The following DSC1 variants were observed in gnomAD, a reference collection of about 807,000 sequenced individuals.
DSC1 encodes the protein desmocollin-1.
A neutral mutation model predicts 98.8 loss-of-function variants in DSC1; 79 were observed. The observed-to-expected ratio is 0.80, with a 90% CI of 0.67 to 0.96. The LOEUF (loss-of-function observed/expected upper bound fraction) is 0.96. DSC1 is among the 50% of genes least tolerant of loss of function. The probability of loss-of-function intolerance (pLI) is 0.00; values close to 1 mark genes in which losing one functional copy is unlikely to be tolerated. For missense variants in DSC1, 1,115 were observed against 1,075.9 expected (o/e 1.04, Z -0.51); for synonymous variants, 405 against 372.1 (o/e 1.09, Z -1.02).
At chr18:31,136,065 T>C (rs2144919497) in intron 11 of DSC1, among the ~76,000 whole-genome samples, 1 of 152,126 alleles carries the variant, frequency 6.6e-6, no homozygotes, top group Admixed American at 6.5e-5. Context: ...GTAACTACTA[T>C]TTATGCCTAT....
At position 31,130,656 on chromosome 18, in the gene DSC1, C is replaced by A. The variant is rs985861; in HGVS notation, c.2543G>T (p.Cys848Phe). The change falls in exon 16 of 16, where the codon TGT (cysteine) becomes TTT (phenylalanine). Residue 848 changes from cysteine to phenylalanine, a missense_variant. Physicochemically the swap from Cys to Phe is radical, Grantham distance 205 (BLOSUM62 -2). Transcript: ENST00000257198. ...EEHKHCEDYV[C>F]SYNYEGKGSL... ...ACCTTTGCCTTCATAGTTATACGAA[C>A]AAACGTAGTCTTCACAATGTTTATG... is the stretch of plus-strand genomic sequence containing the variant. 77,767 of 1,613,874 alleles carry A rather than the reference C, an allele frequency of 0.048. 2,996 individuals carry two copies. Among genetic ancestry groups the A allele is most frequent in the African/African-American group, 0.2 (15,220 of 74,908 alleles).
chr18:31,151,973 C>T lies in DSC1; in HGVS notation c.627+2801G>A, dbSNP rs76618169. Among the ~76,000 whole-genome samples, 10 of 152,072 alleles carry T rather than the reference C, an allele frequency of 6.6e-5. No homozygotes were observed. In the Middle Eastern group the frequency reaches 0.014, roughly 207 times the overall value. ...GGCCAAGAGTTTGAGACCAGCCTGG[C>T]GAACATGGTGGAACCCTGTCTCTAC... On this transcript the variant is annotated intron_variant, in intron 5 of 15. Coordinates refer to ENST00000257198, the MANE Select transcript of DSC1 (RefSeq NM_024421.2).
intron 7 of DSC1, among the ~76,000 whole-genome samples, chr18:31,145,003 G>C (rs1988815892): frequency 6.9e-6 from 1 of 144,186 alleles, no homozygotes; most frequent in Non-Finnish European, 1.5e-5. Context: ...GCAGTGGCGC[G>C]ATCTCGGCTC....
intron 5 of DSC1, among the ~76,000 whole-genome samples, chr18:31,153,058 T>C (rs1422308352): frequency 6.6e-6 from 1 of 151,820 alleles, no homozygotes; most frequent in Non-Finnish European, 1.5e-5. Flanking sequence ...AATTTCAACC[T>C]ATTTTATTCA....
Position 31,129,874 on chromosome 18 carries a change from G to A in DSC1, c.*640C>T, listed in dbSNP as rs1439605406. On this transcript the variant is annotated 3_prime_UTR_variant, in exon 16 of 16. Transcript: ENST00000257198. ...TATCTTTCCAAGAACCCTAGAAGTT[G>A]GAGTGACCTAACAACAAATCCACAT... 1 of 152,148 alleles carries A rather than the reference G, an allele frequency of 6.6e-6. No homozygotes were observed. Among genetic ancestry groups the A allele is most frequent in the Non-Finnish European group, 1.5e-5 (1 of 68,088 alleles). 9.4% of individuals were successfully genotyped at this position (152,148 alleles called of 1,614,324 possible). A position where few individuals can be genotyped will look rare whatever the true frequency, so the allele number is the denominator to read the frequency against.
intron 14 of DSC1, chr18:31,132,367 A>T: frequency 1.8e-6 from 1 of 564,740 alleles, no homozygotes; most frequent in Non-Finnish European, 3.0e-6. Context: ...CTGTTGTTTA[A>T]GTCACTCAGT....
At chr18:31,149,977 C>A (rs1988926899) in intron 5 of DSC1, among the ~76,000 whole-genome samples, 1 of 151,224 alleles carries the variant, frequency 6.6e-6, no homozygotes, top group Non-Finnish European at 1.5e-5. Flanking sequence ...GAGTGGAATA[C>A]AGTAGTCTAT....
chr18:31,151,784 C>A (rs1475169038), intron 5 of DSC1, among the ~76,000 whole-genome samples: 1 of 152,098 alleles, frequency 6.6e-6, no homozygotes, highest in Non-Finnish European at 1.5e-5. Flanking sequence ...AGCAGTAACA[C>A]CAAAGCTGAG....
Position 31,131,645 on chromosome 18 carries a change from G to T in DSC1, c.2436C>A (p.Gly812=). Residue 812 remains glycine (G), a synonymous_variant, in exon 15 of 16, where the codon GGC becomes GGA. Transcript: ENST00000257198. The stretch of plus-strand genomic sequence containing the variant: ...TCTGCCAGTCCGTGTACGCATATCT[G>T]CCAGTATCTCCCTGCCCCACTCCCT... ...SVKGVGQGDT[G]RYAYTDWQSF... is the part of the protein sequence containing the mutation. 1.2e-6 allele frequency: 2 copies of T among 1,614,042 alleles called. No homozygotes were observed. Among genetic ancestry groups the T allele is most frequent in the Non-Finnish European group, 1.7e-6 (2 of 1,179,982 alleles).
intron 11 of DSC1, among the ~76,000 whole-genome samples, chr18:31,137,202 A>G (rs778192542): frequency 1.2e-4 from 19 of 152,150 alleles, no homozygotes; most frequent in Non-Finnish European, 2.5e-4. Flanking sequence ...TTAAGCTACA[A>G]TATGCCTCCT....
At chr18:31,136,736 AT>A (rs1426535958) in intron 11 of DSC1, among the ~76,000 whole-genome samples, 2 of 152,202 alleles carry the variant, frequency 1.3e-5, no homozygotes, top group African/African-American at 4.8e-5. Flanking sequence ...AAGTTTATGA[AT>A]TTTTGTTGGG....
At position 31,130,264 on chromosome 18, in the gene DSC1, A is replaced by G; in HGVS notation, c.*250T>C. ...TAAAAGGTGCAAGAAGGTGTACAGT[A>G]CAGTCGTGAAAAGGGCAATATATAC... On this transcript the variant is annotated 3_prime_UTR_variant, in exon 16 of 16. Transcript: ENST00000257198. The G allele has an allele frequency of 2.0e-6, 1 of 497,496 alleles. No homozygotes were observed. Among genetic ancestry groups the G allele is most frequent in the South Asian group, 2.6e-5 (1 of 37,978 alleles). 30.8% of individuals were successfully genotyped at this position (497,496 alleles called of 1,614,324 possible).
At chr18:31,162,440 A>T in intron 1 of DSC1, 92 bp downstream of exon 1, 1 of 1,204,694 alleles carries the variant, frequency 8.3e-7, no homozygotes, top group Non-Finnish European at 1.2e-6. Flanking sequence ...TCTGCCTCCC[A>T]TCCTCACTCC....
At chr18:31,132,932 T>C (rs2144913763) in intron 13 of DSC1, among the ~76,000 whole-genome samples, 1 of 152,252 alleles carries the variant, frequency 6.6e-6, no homozygotes, top group Non-Finnish European at 1.5e-5. Flanking sequence ...TTCTTCTACA[T>C]TGAAATGGTA....
Position 31,162,738 on chromosome 18 carries a change from G to A in DSC1, c.-144C>T, listed in dbSNP as rs1598635252. The A allele has an allele frequency of 3.9e-5, 26 of 662,728 alleles. 2 individuals are homozygous for A. Among genetic ancestry groups the A allele is most frequent in the South Asian group, 2.9e-4 (16 of 55,144 alleles). The allele number at this position is 662,728 out of a possible 1,614,324, so 41.1% of individuals were successfully genotyped here. ...CTGAGCTTGGTTTGGAAGACAGTCC[G>A]GAGGCAAGTGATAAACAGTAGGAGG... On this transcript the variant is annotated 5_prime_UTR_variant, in exon 1 of 16. Coordinates refer to ENST00000257198, the MANE Select transcript of DSC1 (RefSeq NM_024421.2).
In DSC1 at chr18:31,130,608, C is replaced by T. The variant is rs201224167; in HGVS notation, c.2591G>A (p.Cys864Tyr). The change falls in exon 16 of 16, where the codon TGC (cysteine) becomes TAC (tyrosine). Residue 864 changes from cysteine to tyrosine, a missense_variant. Transcript: ENST00000257198. ...CTCTTCTTCCTGCCGATCGCTGCAG[C>T]AACCTACTGAGCCGGCCAGAGAACC... ...GKGSLAGSVG[C>Y]CSDRQEEEGL... 5.6e-6 allele frequency: 9 copies of T among 1,614,174 alleles called. No homozygotes were observed. The highest frequency in any genetic ancestry group is 7.6e-6 in the Non-Finnish European group (9 of 1,180,040).
chr18:31,152,022 C>T (rs113936026), intron 5 of DSC1, among the ~76,000 whole-genome samples: 8 of 151,922 alleles, frequency 5.3e-5, no homozygotes, highest in Admixed American at 2.6e-4. Context: ...ATTAGCTGGG[C>T]GTGGTGGTGG....
At chr18:31,137,736 T>C (rs1174912095) in intron 11 of DSC1, among the ~76,000 whole-genome samples, 1 of 152,068 alleles carries the variant, frequency 6.6e-6, no homozygotes, top group Non-Finnish European at 1.5e-5. Flanking sequence ...ATGGAAACAA[T>C]CACAAACCTT....
At chr18:31,137,967 G>GTA (rs1312747490) in intron 11 of DSC1, among the ~76,000 whole-genome samples, 72 of 44,396 alleles carry the variant, frequency 1.6e-3, no homozygotes, top group African/African-American at 7.5e-3. Context: ...AGAGCAAAAT[G>GTA]TGTGTGTGTG....
Sources: gnomAD v4.1 joint callset for allele counts (sites outside exome capture counted in the v4.1 genomes callset) on GRCh38, gnomAD v4.1.1 for gene constraint, MANE v1.5 for transcripts, NCBI Gene and HGNC (gene_info 2026-07-23, HGNC 2026-07-21) for gene names.